The following GALP variants were observed in gnomAD, a reference collection of about 807,000 sequenced individuals.
The protein encoded by GALP is galanin like peptide.
GALP carries 12 observed loss-of-function variants against 15.2 expected under a neutral mutation model. The observed-to-expected ratio is 0.79, with a 90% CI of 0.51 to 1.28. The LOEUF is 1.28. GALP is among the 50% of genes most tolerant of loss of function. GALP has a pLI of 0.00. For missense variants in GALP, 161 were observed against 145.6 expected (o/e 1.11, Z -0.55); for synonymous variants, 58 against 55.1 (o/e 1.05, Z -0.23).
chr19:56,178,781 T>C (rs2032511561), intron 2 of GALP, among the ~76,000 whole-genome samples: 1 of 152,222 alleles, frequency 6.6e-6, no homozygotes, highest in South Asian at 2.1e-4. Context: ...TAGCTAATTC[T>C]ACCCCACAAT....
At chr19:56,177,245 C>A in intron 2 of GALP, 50 bp downstream of exon 2, 5 of 1,445,552 alleles carry the variant, frequency 3.5e-6, no homozygotes, top group Middle Eastern at 1.7e-4. Context: ...CAAATCCCTG[C>A]CCTCTGGGAA....
chr19:56,182,492 T>G (rs34851812), intron 4 of GALP, among the ~76,000 whole-genome samples: 34,749 of 152,132 alleles, frequency 0.23, 4,907 homozygotes, highest in African/African-American at 0.39. Context: ...ATGGGCCCCG[T>G]GTTTTCTCTG....
At chr19:56,181,030 C>G (rs1022802439) in intron 3 of GALP, among the ~76,000 whole-genome samples, 3 of 147,606 alleles carry the variant, frequency 2.0e-5, no homozygotes, top group Admixed American at 7.1e-5. Flanking sequence ...GTAGTTTAAG[C>G]GATTCTCCTC....
intron 1 of GALP, 76 bp from the exon 2 acceptor site, chr19:56,176,994 A>C: frequency 4.3e-6 from 3 of 698,246 alleles, no homozygotes; most frequent in Non-Finnish European, 4.9e-6. Context: ...AAAGCTAAAA[A>C]ATAAATTCCT....
intron 3 of GALP, 101 bp from the exon 4 acceptor site, chr19:56,182,071 G>A (rs2032575667): frequency 1.2e-6 from 1 of 821,458 alleles, no homozygotes. Flanking sequence ...CTTGGTGGAG[G>A]CGCTGCGTCC....
intron 3 of GALP, among the ~76,000 whole-genome samples, chr19:56,181,714 TTC>T (rs1427801577): frequency 1.3e-5 from 2 of 152,170 alleles, no homozygotes; most frequent in Non-Finnish European, 2.9e-5. Flanking sequence ...GGCAACTTTT[TTC>T]TCTTTTCCTC....
intron 5 of GALP, among the ~76,000 whole-genome samples, chr19:56,183,525 C>T (rs1471123734): frequency 6.6e-6 from 1 of 152,210 alleles, no homozygotes; most frequent in Admixed American, 6.5e-5. Flanking sequence ...CCCAGTATCA[C>T]TCCCTCAAGC....
chr19:56,185,313 C>T lies in GALP; in HGVS notation c.*43C>T. 2 of 1,268,756 alleles carry T rather than the reference C, an allele frequency of 1.6e-6. No homozygotes were observed. Among genetic ancestry groups the T allele is most frequent in the Non-Finnish European group, 2.3e-6 (2 of 880,552 alleles). The allele number at this position is 1,268,756 out of a possible 1,614,324, so 78.6% of individuals were successfully genotyped here. ...TTCCTATCCTTCTTCTCCAGCTCCT[C>T]CTGCTCCCTCTGAAACCTTTTCTAG... On this transcript the variant is annotated 3_prime_UTR_variant, in exon 6 of 6. Coordinates refer to ENST00000357330, the MANE Select transcript of GALP (RefSeq NM_033106.4).
intron 2 of GALP, among the ~76,000 whole-genome samples, chr19:56,180,095 T>C (rs991514425): frequency 3.3e-5 from 5 of 152,236 alleles, no homozygotes; most frequent in African/African-American, 1.2e-4. Context: ...GTATTTTTTG[T>C]AGAGGCGAGA....
chr19:56,185,250 G>A lies in GALP; in HGVS notation c.331G>A (p.Glu111Lys), dbSNP rs560241152. Residue 111 changes from glutamate to lysine, a missense_variant, in exon 6 of 6, where the codon GAA becomes AAA. Glu to Lys is a moderately conservative substitution (Grantham distance 56). Coordinates refer to ENST00000357330, the MANE Select transcript of GALP (RefSeq NM_033106.4). ...GMLSMKIPKEEDVLKS is the reference protein window; with the variant it reads ...GMLSMKIPKEKDVLKS ...GCTCAGCATGAAAATTCCCAAGGAG[G>A]AAGATGTCCTGAAGTCATAGATGTC... 1.9e-6 allele frequency: 3 copies of A among 1,608,048 alleles called. No homozygotes were observed. Among genetic ancestry groups the A allele is most frequent in the Non-Finnish European group, 1.7e-6 (2 of 1,175,040 alleles).
chr19:56,176,583 G>T (rs1043742724), intron 1 of GALP, among the ~76,000 whole-genome samples: 5 of 147,604 alleles, frequency 3.4e-5, no homozygotes, highest in African/African-American at 1.3e-4. Flanking sequence ...AGGCCAGGAG[G>T]GCAGAGGGGT....
chr19:56,177,332 T>A, intron 2 of GALP, 137 bp downstream of exon 2: 1 of 702,816 alleles, frequency 1.4e-6, no homozygotes, highest in Non-Finnish European at 2.4e-6. Flanking sequence ...TGAGAAGAAA[T>A]ATTGCGTGTC....
intron 3 of GALP, among the ~76,000 whole-genome samples, chr19:56,180,861 C>T (rs2032551845): frequency 6.6e-6 from 1 of 151,262 alleles, no homozygotes. Context: ...GGTTTGCAAC[C>T]TTGATCTCTC....
At chr19:56,177,510 CAAAA>C (rs35564874) in intron 2 of GALP, among the ~76,000 whole-genome samples, 2 of 73,768 alleles carry the variant, frequency 2.7e-5, no homozygotes, top group Non-Finnish European at 5.9e-5. Flanking sequence ...GACTCCATCT[CAAAA>C]AAAAAAAAAA....
chr19:56,177,170 C>T lies in GALP; in HGVS notation c.62C>T (p.Thr21Ile), dbSNP rs1333163307. 1 of 1,613,602 alleles carries T rather than the reference C, an allele frequency of 6.2e-7. No homozygotes were observed. Among genetic ancestry groups the T allele is most frequent in the Non-Finnish European group, 8.5e-7 (1 of 1,179,872 alleles). ...LLVLLLSLAE[T>I]PASAPAHRGR... ...GTCCTCTTGCTGAGCCTGGCAGAGA[C>T]TCCAGCATCCGCACCTGCCCACCGG... Residue 21 changes from threonine to isoleucine, a missense_variant, in exon 2 of 6, where the codon ACT becomes ATT. Coordinates refer to ENST00000357330, the MANE Select transcript of GALP (RefSeq NM_033106.4).
chr19:56,177,459 C>T (rs1341064428), intron 2 of GALP, among the ~76,000 whole-genome samples: 6 of 146,654 alleles, frequency 4.1e-5, no homozygotes, highest in South Asian at 2.1e-4. Flanking sequence ...TGCAGCGAGC[C>T]GAGATTGTGC....
At chr19:56,176,260 G>A (rs533719132) in intron 1 of GALP, among the ~76,000 whole-genome samples, 198 bp downstream of exon 1, 160 of 142,538 alleles carry the variant, frequency 1.1e-3, no homozygotes, top group Middle Eastern at 8.1e-3. Flanking sequence ...CAGCTGCAGC[G>A]GGGTGAGAGC....
At chr19:56,184,059 G>T (rs972889325) in intron 5 of GALP, among the ~76,000 whole-genome samples, 1 of 150,772 alleles carries the variant, frequency 6.6e-6, no homozygotes, top group African/African-American at 2.4e-5. Context: ...GCATTCAAGC[G>T]ATTCTCCTGC....
chr19:56,177,888 AT>A (rs1415337707), intron 2 of GALP, among the ~76,000 whole-genome samples: 2 of 152,200 alleles, frequency 1.3e-5, no homozygotes, highest in Non-Finnish European at 2.9e-5. Flanking sequence ...GGATTAAATA[AT>A]TAAGAGATGT....
Sources: gnomAD v4.1 joint callset for allele counts (sites outside exome capture counted in the v4.1 genomes callset) on GRCh38, gnomAD v4.1.1 for gene constraint, MANE v1.5 for transcripts, NCBI Gene and HGNC (gene_info 2026-07-23, HGNC 2026-07-21) for gene names.